TKT: variants seen among roughly 807,000 people sequenced by gnomAD.
TKT encodes epididymis luminal protein 107.
TKT carries 47 observed loss-of-function variants against 63.9 expected under a neutral mutation model. The ratio of observed to expected loss-of-function variants is 0.74; its 90% CI spans 0.58 to 0.94. The LOEUF (loss-of-function observed/expected upper bound fraction) is 0.94. TKT is among the 40% of genes least tolerant of loss of function. The pLI is 0.00. For missense variants in TKT, 721 were observed against 846.2 expected, an observed-to-expected ratio of 0.85 and a Z score of 1.84; for synonymous variants, 338 against 334.1, an observed-to-expected ratio of 1.01 and a Z score of -0.13.
chr3:53,227,904 G>C, intron 12 of TKT, 152 bp downstream of exon 12: 1 of 672,476 alleles, frequency 1.5e-6, no homozygotes, highest in Non-Finnish European at 2.5e-6. Flanking sequence ...TCAAAGGATG[G>C]CTATAATTGC....
At chr3:53,231,933 A>G (rs1704783344) in intron 6 of TKT, 1 of 268,408 alleles carries the variant, frequency 3.7e-6, no homozygotes, top group Non-Finnish European at 7.0e-6. Flanking sequence ...TGCTGCAGAA[A>G]TACTCAGTTT....
chr3:53,256,014 G>A lies in TKT; in HGVS notation c.-72C>T, dbSNP rs1319744586. The A allele has an allele frequency of 5.5e-6, 6 of 1,097,978 alleles. No homozygotes were observed. Among genetic ancestry groups the A allele is most frequent in the Admixed American group, 3.4e-5 (1 of 29,432 alleles). The allele number at this position is 1,097,978 out of a possible 1,614,324, so 68.0% of individuals were successfully genotyped here. On this transcript the variant is annotated 5_prime_UTR_variant, in exon 1 of 14. Transcript: ENST00000462138. ...GCGGCTGCTCCCGCGGCGACAGGCG[G>A]CTGCCGAGGCCGGGCGCGGGGCGGG...
At chr3:53,229,232 T>C (rs1553676347) in intron 9 of TKT, 48 bp downstream of exon 9, 2 of 1,612,786 alleles carry the variant, frequency 1.2e-6, no homozygotes, top group South Asian at 2.2e-5. Flanking sequence ...TACCTCCTGG[T>C]GCAAAAGTCA....
intron 1 of TKT, among the ~76,000 whole-genome samples, chr3:53,253,294 C>T (rs895121557): frequency 6.6e-6 from 1 of 151,768 alleles, no homozygotes; most frequent in Non-Finnish European, 1.5e-5. Context: ...CTTGGCCTTT[C>T]TTTCTTTCTC....
Position 53,225,755 on chromosome 3 carries a change from C to A in TKT, c.*1G>T. 6.2e-7 allele frequency: 1 copy of A among 1,610,074 alleles called. No homozygotes were observed. The highest frequency in any genetic ancestry group is 8.5e-7 in the Non-Finnish European group (1 of 1,177,562). On this transcript the variant is annotated 3_prime_UTR_variant, in exon 14 of 14. Coordinates refer to ENST00000462138, the MANE Select transcript of TKT (RefSeq NM_001064.4). ...CCCCCGCCCCACACTTCATACCCGCCCTAGGCCTTGGTGATGAGGCCCCTC... is the reference window on the plus strand; with the variant it reads ...CCCCCGCCCCACACTTCATACCCGCACTAGGCCTTGGTGATGAGGCCCCTC...
At chr3:53,226,734 T>C (rs1553675601) in intron 13 of TKT, 22 bp downstream of exon 13, 1 of 1,614,012 alleles carries the variant, frequency 6.2e-7, no homozygotes, top group Admixed American at 1.7e-5. Flanking sequence ...TTGCCCAGCC[T>C]GCCTGCCCCA....
Position 53,225,687 on chromosome 3 carries a change from T to C in TKT, c.*69A>G. On this transcript the variant is annotated 3_prime_UTR_variant, in exon 14 of 14. Coordinates refer to ENST00000462138, the MANE Select transcript of TKT (RefSeq NM_001064.4). ...AACATATATTTACCCCTCCTCTCAG[T>C]ACATCTTTGAGCACCTTTCCCAGAA... 1 of 1,482,282 alleles carries C rather than the reference T, an allele frequency of 6.7e-7. No homozygotes were observed. Among genetic ancestry groups the C allele is most frequent in the Non-Finnish European group, 9.1e-7 (1 of 1,097,836 alleles). 91.8% of individuals were successfully genotyped at this position (1,482,282 alleles called of 1,614,324 possible).
chr3:53,228,763 G>A (rs117395416), intron 10 of TKT: 5,987 of 593,734 alleles, frequency 0.01, 301 homozygotes, highest in South Asian at 0.093. Context: ...CCGCTGGACC[G>A]GCCAGGGCTG....
chr3:53,239,057 G>T (rs548593263), intron 4 of TKT, among the ~76,000 whole-genome samples: 1 of 152,186 alleles, frequency 6.6e-6, no homozygotes, highest in Admixed American at 6.5e-5. Context: ...TGCTGTTCTC[G>T]TGATGGTGAA....
At chr3:53,253,670 A>G (rs1011440419) in intron 1 of TKT, among the ~76,000 whole-genome samples, 1 of 152,234 alleles carries the variant, frequency 6.6e-6, no homozygotes, top group East Asian at 1.9e-4. Flanking sequence ...AGGCTAGGGC[A>G]GGAGAATCAG....
Position 53,229,011 on chromosome 3 carries a change from G to A in TKT, c.1391C>T (p.Thr464Ile), listed in dbSNP as rs781860946. The A allele has an allele frequency of 1.2e-6, 2 of 1,614,084 alleles. No individual in the cohort carries two copies. Among genetic ancestry groups the A allele is most frequent in the South Asian group, 1.1e-5 (1 of 91,070 alleles). ...AAGAACAGCCATGCAACCTACCTTT[G>A]TATTGGCGGCTAGTTCCACTGCCTT... ...TEKAVELAAN[T>I]KGICFIRTSR... Residue 464 changes from threonine to isoleucine, a missense_variant, in exon 10 of 14, where the codon ACA becomes ATA. Coordinates refer to ENST00000462138, the MANE Select transcript of TKT (RefSeq NM_001064.4).
intron 4 of TKT, among the ~76,000 whole-genome samples, chr3:53,239,985 G>A (rs1222232676): frequency 2.0e-5 from 3 of 152,226 alleles, no homozygotes; most frequent in Non-Finnish European, 2.9e-5. Flanking sequence ...TTGAGAGCAC[G>A]CACTCTGTGC....
At chr3:53,226,927 T>A (rs1553675692) in intron 12 of TKT, 49 bp from the exon 13 acceptor site, 1 of 1,558,018 alleles carries the variant, frequency 6.4e-7, no homozygotes, top group East Asian at 2.3e-5. Flanking sequence ...TGGGCACCAC[T>A]ATCTGCCCTG....
At chr3:53,244,445 C>A (rs1280881056) in intron 1 of TKT, among the ~76,000 whole-genome samples, 1 of 152,180 alleles carries the variant, frequency 6.6e-6, no homozygotes, top group Non-Finnish European at 1.5e-5. Context: ...GTACCCAGGT[C>A]TCTAGCAGCC....
intron 1 of TKT, among the ~76,000 whole-genome samples, chr3:53,254,222 G>A (rs1365187972): frequency 6.6e-6 from 1 of 152,142 alleles, no homozygotes; most frequent in Non-Finnish European, 1.5e-5. Context: ...CCCTGAAACG[G>A]CCAAAGGTAG....
intron 4 of TKT, among the ~76,000 whole-genome samples, chr3:53,239,313 AT>A (rs1256418340): frequency 6.6e-5 from 10 of 150,668 alleles, no homozygotes; most frequent in Non-Finnish European, 8.9e-5. Flanking sequence ...AAAAAGAATA[AT>A]TTTTTTTTTA....
intron 2 of TKT, 142 bp from the exon 3 acceptor site, chr3:53,241,387 A>T (rs1705268343): frequency 1.5e-6 from 1 of 673,606 alleles, no homozygotes. Context: ...AGTGAAGGCC[A>T]CTTCTCCCCT....
At chr3:53,240,101 G>T in intron 4 of TKT, 150 bp downstream of exon 4, 1 of 663,154 alleles carries the variant, frequency 1.5e-6, no homozygotes, top group Non-Finnish European at 2.5e-6. Flanking sequence ...AGCCATAGCG[G>T]ATGTTTAAAG....
At chr3:53,243,969 A>G (rs1202948795) in intron 1 of TKT, among the ~76,000 whole-genome samples, 4 of 152,204 alleles carry the variant, frequency 2.6e-5, no homozygotes, top group African/African-American at 9.7e-5. Context: ...CCGGGGTGAC[A>G]GTCCCATTGG....
Sources: allele counts gnomAD v4.1 joint callset (sites outside exome capture counted in the v4.1 genomes callset), GRCh38; gene constraint gnomAD v4.1.1; transcripts MANE v1.5; gene names NCBI Gene and HGNC (gene_info 2026-07-23, HGNC 2026-07-21).